The following ZFAND3 variants were observed in gnomAD, a reference collection of about 807,000 sequenced individuals.
ZFAND3 encodes the protein zinc finger AN1-type containing 3, also known as AN1-type zinc finger protein 3.
Under a neutral mutation model 29.6 loss-of-function variants are expected in ZFAND3, and 10 were observed. The ratio of observed to expected loss-of-function variants is 0.34; its 90% confidence interval spans 0.21 to 0.57. The LOEUF (loss-of-function observed/expected upper bound fraction) is 0.57, where lower values mean the gene tolerates loss of function less well. ZFAND3 is among the 20% of genes least tolerant of loss of function. ZFAND3 has a pLI of 0.86. For missense variants in ZFAND3, 230 were observed against 304.5 expected (o/e 0.76, Z 1.82); for synonymous variants, 128 against 112.6 (o/e 1.14, Z -0.87).
chr6:38,015,332 A>T (rs1328605131), intron 2 of ZFAND3, among the ~76,000 whole-genome samples: 1 of 152,214 alleles, frequency 6.6e-6, no homozygotes, highest in Admixed American at 6.5e-5. Flanking sequence ...GCACTGCCAA[A>T]TGTTAATGAG....
intron 5 of ZFAND3, among the ~76,000 whole-genome samples, chr6:38,151,176 A>AGCCTGGC (rs1265082236): frequency 9.9e-5 from 15 of 152,272 alleles, no homozygotes; most frequent in Admixed American, 2.6e-4. Flanking sequence ...GAGTTCTCTG[A>AGCCTGGC]GCCTGGCTCC....
chr6:38,099,824 A>G (rs913759103), intron 4 of ZFAND3, among the ~76,000 whole-genome samples: 6 of 152,182 alleles, frequency 3.9e-5, no homozygotes, highest in South Asian at 2.1e-4. Context: ...AAGTCAAACA[A>G]CTCTCTTCAA....
intron 2 of ZFAND3, among the ~76,000 whole-genome samples, chr6:37,989,301 T>C (rs1027814074): frequency 1.3e-5 from 2 of 152,132 alleles, no homozygotes; most frequent in Admixed American, 1.3e-4. Flanking sequence ...AATACCTTGG[T>C]TTGGGTGGCT....
chr6:37,867,420 A>G (rs1047784297), intron 1 of ZFAND3, among the ~76,000 whole-genome samples: 3 of 152,242 alleles, frequency 2.0e-5, no homozygotes, highest in African/African-American at 7.2e-5. Context: ...GTAGCGAATT[A>G]GAAATACATC....
At chr6:38,048,298 C>T (rs942792261) in intron 2 of ZFAND3, among the ~76,000 whole-genome samples, 35 of 152,096 alleles carry the variant, frequency 2.3e-4, no homozygotes, top group African/African-American at 3.4e-4. Flanking sequence ...CCACCATGCC[C>T]GGCCCCAACA....
chr6:37,858,627 C>T (rs567527811), intron 1 of ZFAND3, among the ~76,000 whole-genome samples: 10 of 152,156 alleles, frequency 6.6e-5, no homozygotes, highest in Non-Finnish European at 1.2e-4. Context: ...CTATAAAACA[C>T]ATCCTGTTAT....
chr6:38,144,174 A>ATATATATATAT (rs1766021990), intron 5 of ZFAND3, among the ~76,000 whole-genome samples: 12 of 17,680 alleles, frequency 6.8e-4, no homozygotes, highest in African/African-American at 4.1e-3. Flanking sequence ...AAAATGTGAT[A>ATATATATATAT]TATATATATA....
At chr6:38,002,604 G>A (rs757650827) in intron 2 of ZFAND3, among the ~76,000 whole-genome samples, 4 of 152,122 alleles carry the variant, frequency 2.6e-5, no homozygotes, top group African/African-American at 4.8e-5. Context: ...TTGAGCCCAG[G>A]AGGTGGAGGT....
intron 2 of ZFAND3, among the ~76,000 whole-genome samples, chr6:38,041,675 T>TCTC (rs1344333569): frequency 2.3e-4 from 5 of 22,074 alleles, no homozygotes; most frequent in South Asian, 6.9e-3. Context: ...TTCTTCTTCT[T>TCTC]CTTCTTCTTC....
intron 1 of ZFAND3, among the ~76,000 whole-genome samples, chr6:37,873,257 G>A (rs142609929): frequency 0.064 from 9,687 of 152,278 alleles, 437 homozygotes; most frequent in Non-Finnish European, 0.093. Context: ...GTGACAGAGC[G>A]AGACTCCGTC....
chr6:37,839,648 G>A lies in ZFAND3; in HGVS notation c.71+19632G>A, dbSNP rs529377283. 3.9e-5 allele frequency among the ~76,000 whole-genome samples: 6 copies of A among 151,938 alleles called. No homozygotes were observed. In the South Asian group the frequency reaches 1.0e-3, roughly 26 times the overall value. On this transcript the variant is annotated intron_variant, in intron 1 of 5. Transcript: ENST00000287218. ...TCCTGCCTCAGCCTCCCGAGTAGCT[G>A]GGACTACAGGCGTGTGCCATTACAC...
chr6:37,963,498 GA>G (rs1480098711), intron 2 of ZFAND3, among the ~76,000 whole-genome samples: 1 of 151,866 alleles, frequency 6.6e-6, no homozygotes, highest in Non-Finnish European at 1.5e-5. Context: ...AGAAATACAT[GA>G]ATTTGAGATG....
intron 2 of ZFAND3, among the ~76,000 whole-genome samples, chr6:37,997,700 C>A (rs546083754): frequency 1.4e-4 from 21 of 152,318 alleles, no homozygotes; most frequent in African/African-American, 5.1e-4. Flanking sequence ...GGGCCATGAC[C>A]ACTGTTTCAT....
At chr6:37,899,309 A>G (rs547790605) in intron 1 of ZFAND3, among the ~76,000 whole-genome samples, 3 of 152,140 alleles carry the variant, frequency 2.0e-5, no homozygotes, top group Non-Finnish European at 2.9e-5. Flanking sequence ...TAGAATCTCT[A>G]CTATAATGTT....
At chr6:37,993,324 A>G (rs542577570) in intron 2 of ZFAND3, among the ~76,000 whole-genome samples, 1 of 151,814 alleles carries the variant, frequency 6.6e-6, no homozygotes, top group South Asian at 2.1e-4. Flanking sequence ...TTTATTATTT[A>G]TTTATTTATT....
chr6:37,886,741 T>C (rs535772125), intron 1 of ZFAND3, among the ~76,000 whole-genome samples: 23 of 152,318 alleles, frequency 1.5e-4, no homozygotes, highest in Non-Finnish European at 2.8e-4. Context: ...ACGCCTGTAA[T>C]CCTGATACTT....
chr6:38,120,128 A>G (rs551058330), intron 5 of ZFAND3, among the ~76,000 whole-genome samples: 1 of 152,104 alleles, frequency 6.6e-6, no homozygotes, highest in East Asian at 1.9e-4. Flanking sequence ...AAATGGATCT[A>G]TTTGTTTCAT....
chr6:38,043,729 A>G (rs1313717657), intron 2 of ZFAND3, among the ~76,000 whole-genome samples: 2 of 152,046 alleles, frequency 1.3e-5, no homozygotes, highest in African/African-American at 4.8e-5. Flanking sequence ...CTCCTGCCTC[A>G]GTCTCCTGAG....
intron 4 of ZFAND3, among the ~76,000 whole-genome samples, chr6:38,095,869 A>G (rs1199139123): frequency 6.6e-6 from 1 of 151,998 alleles, no homozygotes; most frequent in East Asian, 1.9e-4. Flanking sequence ...TTGTGTCTAC[A>G]ATCAATACAG....
Sources: allele counts gnomAD v4.1 joint callset (sites outside exome capture counted in the v4.1 genomes callset), GRCh38; gene constraint gnomAD v4.1.1; transcripts MANE v1.5; gene names NCBI Gene and HGNC (gene_info 2026-07-23, HGNC 2026-07-21).